The following ABLIM3 variants were observed in gnomAD, a reference collection of about 807,000 sequenced individuals.
ABLIM3 encodes actin-binding LIM protein 3.
In ABLIM3, 61 loss-of-function variants were observed where a neutral mutation model predicts 109.5. The observed-to-expected ratio is 0.56, with a 90% CI of 0.45 to 0.69. The LOEUF (loss-of-function observed/expected upper bound fraction) is 0.69. Ranked by LOEUF, ABLIM3 falls within the 30% of genes least tolerant of loss-of-function variation. The probability of loss-of-function intolerance (pLI) is 0.00; values close to 1 mark genes in which losing one functional copy is unlikely to be tolerated. For synonymous variants in ABLIM3, 300 were observed against 324.8 expected, an observed-to-expected ratio of 0.92 and a Z score of 0.82; for missense variants, 796 against 889.5, an observed-to-expected ratio of 0.89 and a Z score of 1.34.
intron 7 of ABLIM3, among the ~76,000 whole-genome samples, chr5:149,214,521 A>G (rs1188790140): frequency 6.6e-6 from 1 of 152,224 alleles, no homozygotes; most frequent in Non-Finnish European, 1.5e-5. Flanking sequence ...GAATATGCTC[A>G]TTGGTGGGGT....
In ABLIM3 at chr5:149,226,008, A is replaced by ATATATATATG. The variant is rs1262745712; in HGVS notation, c.758-4632_758-4631insGTATATATAT. On this transcript the variant is annotated intron_variant, in intron 8 of 23. Coordinates refer to ENST00000309868, the MANE Select transcript of ABLIM3 (RefSeq NM_014945.5). Reference sequence around the variant, plus strand: ...TATATATATATATATATATATATATATATATATATATATATATATCACAGT... The same window carrying ATATATATATG: ...TATATATATATATATATATATATATATATATATATGTATATATATATATATATATCACAGT... Among the ~76,000 whole-genome samples, 2 of 125,196 alleles carry ATATATATATG rather than the reference A, an allele frequency of 1.6e-5. 1 individual carries two copies. Among genetic ancestry groups the ATATATATATG allele is most frequent in the Non-Finnish European group, 3.1e-5 (2 of 63,796 alleles). The allele number at this position is 125,196 out of a possible 152,430, so 82.1% of individuals were successfully genotyped here.
At chr5:149,255,017 C>T (rs891309537) in intron 23 of ABLIM3, among the ~76,000 whole-genome samples, 3 of 152,202 alleles carry the variant, frequency 2.0e-5, no homozygotes, top group Admixed American at 2.0e-4. Flanking sequence ...AAGACTATGA[C>T]CCTGTCCTCA....
At chr5:149,211,228 C>A (rs1489742634) in intron 7 of ABLIM3, among the ~76,000 whole-genome samples, 2 of 151,958 alleles carry the variant, frequency 1.3e-5, no homozygotes, top group East Asian at 3.9e-4. Context: ...GATTTAAGAG[C>A]CAGCTTGTCT....
chr5:149,249,808 C>T lies in ABLIM3; in HGVS notation c.1700-7C>T. The T allele has an allele frequency of 1.2e-6, 2 of 1,614,176 alleles. No homozygotes were observed. The highest frequency in any genetic ancestry group is 1.7e-6 in the Non-Finnish European group (2 of 1,179,990). ...GAGCAATGACCTTCAGCTTTTCTCT[C>T]CTGCAGCCCCTCGGTCGCACTACCT... On this transcript the variant is annotated splice_region_variant and splice_polypyrimidine_tract_variant and intron_variant, in intron 18 of 23. Coordinates refer to ENST00000309868, the MANE Select transcript of ABLIM3 (RefSeq NM_014945.5).
At chr5:149,210,860 T>C (rs2918281) in intron 7 of ABLIM3, 41 bp downstream of exon 7, 644,446 of 1,580,972 alleles carry the variant, frequency 0.41, 135,139 homozygotes, top group East Asian at 0.66. Context: ...GGCAGGGTGA[T>C]CTGTGCCTCC....
intron 8 of ABLIM3, among the ~76,000 whole-genome samples, chr5:149,223,069 A>G (rs954890275): frequency 6.6e-6 from 1 of 152,144 alleles, no homozygotes; most frequent in Non-Finnish European, 1.5e-5. Context: ...GTCTGACTCT[A>G]CTAAGCATAT....
chr5:149,232,836 AT>A (rs1445659719), intron 9 of ABLIM3, among the ~76,000 whole-genome samples: 7 of 152,236 alleles, frequency 4.6e-5, no homozygotes, highest in Admixed American at 4.6e-4. Context: ...ATATTGTGCA[AT>A]TACGTGAAAT....
chr5:149,142,826 CA>C (rs1206056261), intron 2 of ABLIM3, among the ~76,000 whole-genome samples: 1 of 152,120 alleles, frequency 6.6e-6, no homozygotes, highest in African/African-American at 2.4e-5. Context: ...GTCCGAAATT[CA>C]AGAAGGCACA....
At chr5:149,233,416 C>T (rs1762056072) in intron 10 of ABLIM3, 116 bp downstream of exon 10, 8 of 1,058,384 alleles carry the variant, frequency 7.6e-6, no homozygotes, top group South Asian at 3.9e-5. Flanking sequence ...TTGATGCATG[C>T]TCTTCATGTG....
chr5:149,200,358 A>AGAATGTGTGTGCC lies in ABLIM3; in HGVS notation c.379_391dup (p.Gln131ArgfsTer15). On this transcript the variant is annotated frameshift_variant, in exon 5 of 24. Coordinates refer to ENST00000309868, the MANE Select transcript of ABLIM3 (RefSeq NM_014945.5). LOFTEE classifies it high-confidence loss of function. The stretch of plus-strand genomic sequence containing the variant: ...GAGACAAGGTGACCTTCAGCGGTAA[A>AGAATGTGTGTGCC]GAATGTGTGTGCCAAACGTGCTCCC... 6.2e-7 allele frequency: 1 copy of AGAATGTGTGTGCC among 1,614,192 alleles called. No individual in the cohort carries two copies. Among genetic ancestry groups the AGAATGTGTGTGCC allele is most frequent in the Non-Finnish European group, 8.5e-7 (1 of 1,180,032 alleles).
At chr5:149,216,352 T>TA (rs1760085107) in intron 7 of ABLIM3, among the ~76,000 whole-genome samples, 1 of 152,152 alleles carries the variant, frequency 6.6e-6, no homozygotes, top group South Asian at 2.1e-4. Context: ...TGAAAATAAA[T>TA]AGAGTTCTAG....
intron 3 of ABLIM3, among the ~76,000 whole-genome samples, chr5:149,187,364 A>C (rs1475953210): frequency 6.6e-6 from 1 of 152,232 alleles, no homozygotes; most frequent in Non-Finnish European, 1.5e-5. Flanking sequence ...TCTGCGTATA[A>C]ATGGTAAATG....
intron 16 of ABLIM3, 92 bp downstream of exon 16, chr5:149,245,107 C>T: frequency 6.6e-7 from 1 of 1,514,662 alleles, no homozygotes; most frequent in South Asian, 1.2e-5. Flanking sequence ...TTTATACAAT[C>T]ATTCTGAATA....
intron 6 of ABLIM3, among the ~76,000 whole-genome samples, chr5:149,209,644 C>A (rs1378429308): frequency 6.6e-6 from 1 of 152,228 alleles, no homozygotes; most frequent in Non-Finnish European, 1.5e-5. Context: ...CACCTTCTGA[C>A]AAATGACTTT....
At chr5:149,171,411 G>A (rs1581038794) in intron 2 of ABLIM3, among the ~76,000 whole-genome samples, 1 of 152,126 alleles carries the variant, frequency 6.6e-6, no homozygotes, top group African/African-American at 2.4e-5. Flanking sequence ...ATCTTGAAAG[G>A]AAGGTAAAAT....
At chr5:149,232,693 T>G (rs1028094425) in intron 9 of ABLIM3, among the ~76,000 whole-genome samples, 2 of 152,210 alleles carry the variant, frequency 1.3e-5, no homozygotes, top group Non-Finnish European at 2.9e-5. Flanking sequence ...TCTTATGCAT[T>G]AAGACTGGCA....
chr5:149,216,782 G>A (rs557326291), intron 7 of ABLIM3, 177 bp from the exon 8 acceptor site: 4 of 593,468 alleles, frequency 6.7e-6, no homozygotes, highest in African/African-American at 3.7e-5. Context: ...AGTGAATCAC[G>A]AAGCTTCCCG....
At chr5:149,211,413 G>A (rs1266084116) in intron 7 of ABLIM3, among the ~76,000 whole-genome samples, 1 of 152,066 alleles carries the variant, frequency 6.6e-6, no homozygotes, top group East Asian at 1.9e-4. Context: ...TACCCTGTGG[G>A]CCTGGAAGCT....
At chr5:149,184,511 G>A (rs528947572) in intron 3 of ABLIM3, among the ~76,000 whole-genome samples, 3 of 151,974 alleles carry the variant, frequency 2.0e-5, no homozygotes, top group African/African-American at 7.3e-5. Context: ...CCTTAAATTG[G>A]GTCTCATCTT....
Sources: allele counts gnomAD v4.1 joint callset (sites outside exome capture counted in the v4.1 genomes callset), GRCh38; gene constraint gnomAD v4.1.1; transcripts MANE v1.5; gene names NCBI Gene and HGNC (gene_info 2026-07-23, HGNC 2026-07-21).